Variants in RNPEPL1 observed in about 807,000 individuals in gnomAD.
RNPEPL1 encodes aminopeptidase RNPEPL1.
RNPEPL1 carries 46 observed loss-of-function variants against 69.0 expected under a neutral mutation model. That is an observed-to-expected ratio of 0.67 (90% CI 0.53 to 0.85). RNPEPL1 has a LOEUF of 0.85. Among genes scored for constraint, RNPEPL1 ranks in the 40% least tolerant of loss-of-function variants. The pLI is 0.00. For synonymous variants in RNPEPL1, 525 were observed against 454.1 expected, an observed-to-expected ratio of 1.16 and a Z score of -1.98; for missense variants, 869 against 992.5, an observed-to-expected ratio of 0.88 and a Z score of 1.67.
In RNPEPL1 at chr2:240,569,130, G is replaced by T. The variant is rs2093013814; in HGVS notation, c.528+16G>T. On this transcript the variant is annotated intron_variant, in intron 1 of 10. Transcript: ENST00000270357. Reference sequence around the variant, plus strand: ...CGCCCCCGCCGTGAGTCCGGGGCGGGCGCCGGGGCTGCGGGCCGGTCCGCA... The same window carrying T: ...CGCCCCCGCCGTGAGTCCGGGGCGGTCGCCGGGGCTGCGGGCCGGTCCGCA... 1.4e-6 allele frequency: 2 copies of T among 1,467,464 alleles called. No homozygotes were observed. Among genetic ancestry groups the T allele is most frequent in the Middle Eastern group, 2.4e-4 (1 of 4,148 alleles). 90.9% of individuals were successfully genotyped at this position (1,467,464 alleles called of 1,614,324 possible).
In RNPEPL1 at chr2:240,575,835, G is replaced by A. The variant is rs2953146; in HGVS notation, c.1510+225G>A. On this transcript the variant is annotated intron_variant, in intron 8 of 10. Coordinates refer to ENST00000270357, the MANE Select transcript of RNPEPL1 (RefSeq NM_018226.6). ...GCCGGTGGCACAGGCTAAGCAGGCCGAGTCAGGCACTCCCAGGAAGCGGGC... is the reference window on the plus strand; with the variant it reads ...GCCGGTGGCACAGGCTAAGCAGGCCAAGTCAGGCACTCCCAGGAAGCGGGC... 448,513 of 557,860 alleles carry A rather than the reference G, an allele frequency of 0.8. 181,324 individuals are homozygous for A. The highest frequency in any genetic ancestry group is 0.96 in the East Asian group (32,809 of 34,168). 34.6% of individuals were successfully genotyped at this position (557,860 alleles called of 1,614,324 possible).
rs1316271149 is a variant in RNPEPL1 at position 240,573,757 on chromosome 2, C to T, written c.822-18C>T. ...CTGGGGCTGCTCGGCCTCAGCTCAC[C>T]CTCTCTGCATGCACCAGGAGCCGCG... On this transcript the variant is annotated intron_variant, in intron 3 of 10. Transcript: ENST00000270357. The T allele has an allele frequency of 2.0e-5, 30 of 1,515,288 alleles. No individual in the cohort carries two copies. Among genetic ancestry groups the T allele is most frequent in the African/African-American group, 4.1e-5 (3 of 72,348 alleles). The allele number at this position is 1,515,288 out of a possible 1,614,324, so 93.9% of individuals were successfully genotyped here. A position where few individuals can be genotyped will look rare whatever the true frequency, so the allele number is the denominator to read the frequency against.
chr2:240,573,532 G>A (rs1234465453), intron 3 of RNPEPL1, among the ~76,000 whole-genome samples: 2 of 152,226 alleles, frequency 1.3e-5, no homozygotes, highest in East Asian at 1.9e-4. Flanking sequence ...TCATACCTTC[G>A]TTGGTCCCTT....
At chr2:240,573,972 C>A (rs2093030292) in intron 4 of RNPEPL1, 81 bp downstream of exon 4, 5 of 1,407,324 alleles carry the variant, frequency 3.6e-6, no homozygotes, top group Non-Finnish European at 3.9e-6. Context: ...CCTGGGGTGT[C>A]CTGTCCCCAT....
chr2:240,576,762 C>A lies in RNPEPL1; in HGVS notation c.1738C>A (p.Gln580Lys). The change falls in exon 9 of 11, where the codon CAG (glutamine) becomes AAG (lysine). Residue 580 changes from glutamine (Q) to lysine (K), a missense_variant. Coordinates refer to ENST00000270357, the MANE Select transcript of RNPEPL1 (RefSeq NM_018226.6). The stretch of plus-strand genomic sequence containing the variant: ...GCTCCTGGATGGGTCCCCGCTGCCG[C>A]AGGGTGAGTCCCTGCAGCTGATGGG... The part of the protein sequence containing the change: ...DRLLDGSPLP[Q>K]EVVMSLSKCY... 1.2e-6 allele frequency: 2 copies of A among 1,612,808 alleles called. No individual in the cohort carries two copies. Among genetic ancestry groups the A allele is most frequent in the Non-Finnish European group, 1.7e-6 (2 of 1,179,834 alleles).
Position 240,577,912 on chromosome 2 carries a change from C to T in RNPEPL1, c.*20C>T, listed in dbSNP as rs975382797. On this transcript the variant is annotated 3_prime_UTR_variant, in exon 11 of 11. Transcript: ENST00000270357. ...GCCTAGCCCTGTTGGCGGGCTGACC[C>T]TCGACCTCCCAGACACCACAATTGT... is the stretch of plus-strand genomic sequence containing the variant. The T allele has an allele frequency of 2.7e-6, 4 of 1,468,006 alleles. No homozygotes were observed. Among genetic ancestry groups the T allele is most frequent in the African/African-American group, 2.8e-5 (2 of 71,024 alleles). 90.9% of individuals were successfully genotyped at this position (1,468,006 alleles called of 1,614,324 possible). A position where few individuals can be genotyped will look rare whatever the true frequency, so the allele number is the denominator to read the frequency against.
chr2:240,573,398 C>T, intron 3 of RNPEPL1, 137 bp downstream of exon 3: 1 of 1,159,248 alleles, frequency 8.6e-7, no homozygotes, highest in Non-Finnish European at 1.2e-6. Flanking sequence ...AGCCCTGCCC[C>T]TGCCTTGGTG....
chr2:240,573,052 C>T lies in RNPEPL1; in HGVS notation c.670-58C>T, dbSNP rs541569830. On this transcript the variant is annotated intron_variant, in intron 2 of 10. Transcript: ENST00000270357. ...GGGGCTGCCTGACAGGCTCCCCGGC[C>T]GGGGCTATGGGTGTGCTGACGGTGG... The T allele has an allele frequency of 3.5e-4, 525 of 1,498,550 alleles. 1 individual carries two copies. The highest frequency in any genetic ancestry group is 4.6e-4 in the Admixed American group (20 of 43,844). The allele number at this position is 1,498,550 out of a possible 1,614,324, so 92.8% of individuals were successfully genotyped here. A position where few individuals can be genotyped will look rare whatever the true frequency, so the allele number is the denominator to read the frequency against.
At position 240,576,628 on chromosome 2, in the gene RNPEPL1, C is replaced by T. The variant is rs1273074954; in HGVS notation, c.1604C>T (p.Ala535Val). 6.2e-7 allele frequency: 1 copy of T among 1,613,050 alleles called. No homozygotes were observed. Among genetic ancestry groups the T allele is most frequent in the South Asian group, 1.1e-5 (1 of 91,092 alleles). ...TCCAGCCTGACCCGGCCCGTGGAGG[C>T]CCTTTTCCAGCTGTGGACCGCAGAA... ...QGSSLTRPVE[A>V]LFQLWTAEPL... The change falls in exon 9 of 11, where the codon GCC becomes GTC. Residue 535 changes from alanine (A) to valine (V), a missense_variant. By Grantham distance (64) the Ala-to-Val change is moderately conservative. Around this residue, in one of 2 missense-constraint regions of RNPEPL1, gnomAD observed 610 missense variants for 790.9 expected, o/e 0.77. Transcript: ENST00000270357.
At chr2:240,575,266 G>A in intron 7 of RNPEPL1, 124 bp downstream of exon 7, 1 of 822,934 alleles carries the variant, frequency 1.2e-6, no homozygotes, top group Non-Finnish European at 2.0e-6. Context: ...AGCCTGGCTG[G>A]GACCTAGTCT....
intron 2 of RNPEPL1, 142 bp downstream of exon 2, chr2:240,572,705 T>A: frequency 9.2e-7 from 1 of 1,088,800 alleles, no homozygotes; most frequent in Non-Finnish European, 1.3e-6. Context: ...CCACCCTCCC[T>A]ACTCTATGGG....
rs114648096 is a variant in RNPEPL1, at chr2:240,576,159, G to A, written c.1511-376G>A. 4.3e-3 allele frequency: 1,380 copies of A among 320,512 alleles called. 13 individuals are homozygous for A. Among genetic ancestry groups the A allele is most frequent in the African/African-American group, 0.027 (1,294 of 47,130 alleles). 19.9% of individuals were successfully genotyped at this position (320,512 alleles called of 1,614,324 possible). On this transcript the variant is annotated intron_variant, in intron 8 of 10. Transcript: ENST00000270357. ...GTAGGGAATGGGCACTGCCCTTTAA[G>A]AGCAGGAATATCATCTTAAGAGCCT...
intron 6 of RNPEPL1, 24 bp from the exon 7 acceptor site, chr2:240,575,006 C>T (rs761082715): frequency 1.9e-6 from 3 of 1,585,216 alleles, no homozygotes; most frequent in Non-Finnish European, 1.7e-6. Flanking sequence ...CGGACGCCAG[C>T]CCAGGTGGGT....
chr2:240,569,183 C>T (rs2093013992), intron 1 of RNPEPL1, 69 bp downstream of exon 1: 3 of 1,358,772 alleles, frequency 2.2e-6, no homozygotes, highest in Non-Finnish European at 2.8e-6. Flanking sequence ...TCTCGCCGCA[C>T]GGCCAGGCTG....
rs973241808 is a variant in RNPEPL1, at chr2:240,580,968, C to G, written c.*3076C>G. On this transcript the variant is annotated 3_prime_UTR_variant, in exon 11 of 11. Coordinates refer to ENST00000270357, the MANE Select transcript of RNPEPL1 (RefSeq NM_018226.6). ...TCCCTCAGGCCATGACAGGTTCAGT[C>G]CAGACTTGTCTCCCAGAGTGTTTCT... 1 of 152,222 alleles carries G rather than the reference C, an allele frequency of 6.6e-6. No homozygotes were observed. Among genetic ancestry groups the G allele is most frequent in the African/African-American group, 2.4e-5 (1 of 41,436 alleles). The allele number at this position is 152,222 out of a possible 1,614,324, so 9.4% of individuals were successfully genotyped here.
Position 240,574,161 on chromosome 2 carries a change from G to A in RNPEPL1, c.987G>A (p.Glu329=). ...LPPSFPIVAM[E]NPCLTFIISS... ...CCTCCTTCCCCATCGTGGCCATGGA[G>A]AACCCCTGCCTCACCTTCATCATCT... The change falls in exon 5 of 11, where the codon GAG becomes GAA. Residue 329 remains glutamate, a synonymous_variant. Transcript: ENST00000270357. 4 of 1,613,414 alleles carry A rather than the reference G, an allele frequency of 2.5e-6. No homozygotes were observed. Among genetic ancestry groups the A allele is most frequent in the Non-Finnish European group, 3.4e-6 (4 of 1,179,918 alleles).
intron 1 of RNPEPL1, among the ~76,000 whole-genome samples, chr2:240,571,912 C>G (rs2093022759): frequency 6.6e-6 from 1 of 151,728 alleles, no homozygotes; most frequent in Non-Finnish European, 1.5e-5. Flanking sequence ...GCGAGGCTGC[C>G]TGGGCTCAGG....
At position 240,568,656 on chromosome 2, in the gene RNPEPL1, C is replaced by A; in HGVS notation, c.70C>A (p.Pro24Thr). ...CGCGCCCGTCCGCCCGCCGCCCGAGCCGCCGCCCGCCCTGGACGTGGCCTC... is the reference window on the plus strand; with the variant it reads ...CGCGCCCGTCCGCCCGCCGCCCGAGACGCCGCCCGCCCTGGACGTGGCCTC... ...EAAPVRPPPEPPPALDVASAS... is the reference protein window; with the variant it reads ...EAAPVRPPPETPPALDVASAS... The change falls in exon 1 of 11, where the codon CCG (proline) becomes ACG (threonine). Residue 24 changes from proline to threonine, a missense_variant. Physicochemically the swap from Pro to Thr is conservative, Grantham distance 38. This residue lies in a region of RNPEPL1 where 259 missense variants were observed against 201.5 expected (regional missense o/e 1.29). Transcript: ENST00000270357. This position sits in a 1 kb window ranked among gnomAD's most constrained non-coding sequence, Gnocchi z 6.2. The A allele has an allele frequency of 9.9e-7, 1 of 1,012,384 alleles. No individual in the cohort carries two copies. Among genetic ancestry groups the A allele is most frequent in the Non-Finnish European group, 1.2e-6 (1 of 850,924 alleles). 62.7% of individuals were successfully genotyped at this position (1,012,384 alleles called of 1,614,324 possible).
chr2:240,578,024 T>C lies in RNPEPL1; in HGVS notation c.*132T>C. On this transcript the variant is annotated 3_prime_UTR_variant, in exon 11 of 11. Transcript: ENST00000270357. ...GCCCACAAGCCCCTCCCCTGGGCTC[T>C]CCCAGGCAGGGAGAATGGGGAGAGG... 1 of 908,804 alleles carries C rather than the reference T, an allele frequency of 1.1e-6. No individual in the cohort carries two copies. Among genetic ancestry groups the C allele is most frequent in the Non-Finnish European group, 1.5e-6 (1 of 648,606 alleles). 56.3% of individuals were successfully genotyped at this position (908,804 alleles called of 1,614,324 possible).
Sources: allele counts gnomAD v4.1 joint callset (sites outside exome capture counted in the v4.1 genomes callset), GRCh38; gene constraint gnomAD v4.1.1; regional missense constraint gnomAD v4.1.1; non-coding constraint Gnocchi (gnomAD v3.1); transcripts MANE v1.5; gene names NCBI Gene and HGNC (gene_info 2026-07-23, HGNC 2026-07-21).